The following DMAC2L variants were observed in gnomAD, a reference collection of about 807,000 sequenced individuals.
The protein encoded by DMAC2L is distal membrane arm assembly component 2 like, also known as ATP synthase subunit s, mitochondrial.
Under a neutral mutation model 22.5 loss-of-function variants are expected in DMAC2L, and 21 were observed. The ratio of observed to expected loss-of-function variants is 0.93; its 90% CI spans 0.66 to 1.34. DMAC2L has a LOEUF of 1.34. DMAC2L is among the 40% of genes most tolerant of loss of function. The probability of loss-of-function intolerance (pLI) is 0.00; values close to 1 mark genes in which losing one functional copy is unlikely to be tolerated. For missense variants in DMAC2L, 239 were observed against 246.5 expected (o/e 0.97, Z 0.20); for synonymous variants, 86 against 89.5 (o/e 0.96, Z 0.22).
At chr14:50,317,006 G>T (rs1446765004) in intron 2 of DMAC2L, among the ~76,000 whole-genome samples, 1 of 152,176 alleles carries the variant, frequency 6.6e-6, no homozygotes, top group Non-Finnish European at 1.5e-5. Context: ...GAAGCAATTT[G>T]TAGATTGCTT....
At position 50,322,052 on chromosome 14, in the gene DMAC2L, C is replaced by G. The variant is rs563572088; in HGVS notation, c.107+458C>G. Reference sequence around the variant, plus strand: ...ATTACTTAATACAGCATTATGATCACTAGCTAGAGAAAAAAGCATATGTAG... The same window carrying G: ...ATTACTTAATACAGCATTATGATCAGTAGCTAGAGAAAAAAGCATATGTAG... On this transcript the variant is annotated intron_variant, in intron 3 of 5. Transcript: ENST00000557421. Among the ~76,000 whole-genome samples, 13 of 152,244 alleles carry G rather than the reference C, an allele frequency of 8.5e-5. No homozygotes were observed. In the East Asian group the frequency reaches 2.3e-3, roughly 27 times the overall value.
At chr14:50,314,664 C>T (rs1410974009) in intron 2 of DMAC2L, 38 bp downstream of exon 2, 2 of 453,712 alleles carry the variant, frequency 4.4e-6, no homozygotes, top group African/African-American at 4.0e-5. Context: ...ATTTTTGAGA[C>T]AGGGTTATGC....
chr14:50,324,973 G>A lies in DMAC2L; in HGVS notation c.489-636G>A, dbSNP rs149402478. On this transcript the variant is annotated intron_variant, in intron 5 of 5. Transcript: ENST00000557421. ...GTATTTTCAGTAGAGATGGGGTTTC[G>A]CCATGTTGGCCAAGCTGGTCTCGAA... 4.7e-3 allele frequency among the ~76,000 whole-genome samples: 710 copies of A among 152,064 alleles called. 3 individuals are homozygous for A. The highest frequency in any genetic ancestry group is 0.015 in the African/African-American group (641 of 41,466).
At chr14:50,312,210 G>C (rs568178074), upstream of DMAC2L, 31 of 1,590,786 alleles carry the variant, frequency 1.9e-5, no homozygotes, top group Non-Finnish European at 2.5e-5. Flanking sequence ...CTCCACGGCC[G>C]AGGACCCGCG....
chr14:50,318,777 T>G (rs534336525), intron 2 of DMAC2L, among the ~76,000 whole-genome samples: 1 of 152,344 alleles, frequency 6.6e-6, no homozygotes, highest in South Asian at 2.1e-4. Context: ...TGTGAAGGCC[T>G]TCTTCTCACT....
intron 2 of DMAC2L, among the ~76,000 whole-genome samples, chr14:50,320,112 G>A (rs1006250223): frequency 3.3e-5 from 5 of 151,982 alleles, no homozygotes; most frequent in Non-Finnish European, 7.4e-5. Context: ...TTATTTTTGA[G>A]ATGGAGTCTC....
In DMAC2L at chr14:50,325,835, T is replaced by C; in HGVS notation, c.*112T>C. 6.9e-7 allele frequency: 1 copy of C among 1,444,840 alleles called. No homozygotes were observed. The highest frequency in any genetic ancestry group is 2.6e-5 in the Admixed American group (1 of 38,650). 89.5% of individuals were successfully genotyped at this position (1,444,840 alleles called of 1,614,324 possible). ...TATAAGGATGCCATATCATGACATT[T>C]TAGAAGTGGAGAGTGCATCATATGT... On this transcript the variant is annotated 3_prime_UTR_variant, in exon 6 of 6. Transcript: ENST00000557421.
Position 50,327,636 on chromosome 14 carries a change from T to G in DMAC2L, c.*1913T>G, listed in dbSNP as rs1183030894. On this transcript the variant is annotated 3_prime_UTR_variant, in exon 6 of 6. Coordinates refer to ENST00000557421, the MANE Select transcript of DMAC2L (RefSeq NM_001382507.1). ...CCCACCACCACGCCCAGCTAATTTT[T>G]GTACTTTTAGTAGAGACAGGGTTTC... The G allele has an allele frequency of 6.6e-6, 1 of 152,126 alleles. No homozygotes were observed. Among genetic ancestry groups the G allele is most frequent in the African/African-American group, 2.4e-5 (1 of 41,390 alleles). 9.4% of individuals were successfully genotyped at this position (152,126 alleles called of 1,614,324 possible). A position where few individuals can be genotyped will look rare whatever the true frequency, so the allele number is the denominator to read the frequency against.
intron 2 of DMAC2L, 154 bp from the exon 3 acceptor site, chr14:50,321,329 C>T: frequency 7.4e-7 from 1 of 1,342,354 alleles, no homozygotes; most frequent in South Asian, 1.9e-5. Flanking sequence ...TAAAAAACCC[C>T]AAGAACAAGA....
intron 5 of DMAC2L, 101 bp from the exon 6 acceptor site, chr14:50,325,508 T>C (rs886231647): frequency 1.5e-6 from 2 of 1,372,022 alleles, no homozygotes; most frequent in African/African-American, 1.5e-5. Context: ...TAGGGTGATA[T>C]AGATTCATTT....
rs1000985660 is a variant in DMAC2L, at chr14:50,323,843, A to G, written c.317-102A>G. 5 of 932,130 alleles carry G rather than the reference A, an allele frequency of 5.4e-6. No homozygotes were observed. In the African/African-American group the frequency reaches 8.3e-5, roughly 16 times the overall value. The allele number at this position is 932,130 out of a possible 1,614,324, so 57.7% of individuals were successfully genotyped here. A position where few individuals can be genotyped will look rare whatever the true frequency, so the allele number is the denominator to read the frequency against. On this transcript the variant is annotated intron_variant, in intron 4 of 5. Transcript: ENST00000557421. ...ATGGAACTAAGAGGTTTCCCAGGACATAGGACTTTCAGTCCTAAAACCAAG... is the reference window on the plus strand; with the variant it reads ...ATGGAACTAAGAGGTTTCCCAGGACGTAGGACTTTCAGTCCTAAAACCAAG...
intron 2 of DMAC2L, among the ~76,000 whole-genome samples, chr14:50,318,703 C>T (rs972914389): frequency 2.6e-5 from 4 of 151,908 alleles, no homozygotes; most frequent in African/African-American, 9.7e-5. Flanking sequence ...TCATATTCTG[C>T]TTCTGCTTCT....
chr14:50,311,584 G>A (rs1451533979), upstream of DMAC2L, among the ~76,000 whole-genome samples: 1 of 152,176 alleles, frequency 6.6e-6, no homozygotes, highest in Non-Finnish European at 1.5e-5. Context: ...ATTTAAGACT[G>A]TATTCAGATC....
chr14:50,320,021 C>T (rs1166743545), intron 2 of DMAC2L, among the ~76,000 whole-genome samples: 2 of 152,216 alleles, frequency 1.3e-5, no homozygotes, highest in African/African-American at 4.8e-5. Flanking sequence ...TCTGTTGACC[C>T]TTAATCTTGA....
In DMAC2L at chr14:50,312,453, C is replaced by T. The variant is rs141258517; in HGVS notation, c.-42+64C>T. On this transcript the variant is annotated intron_variant, in intron 1 of 5. Transcript: ENST00000557421. ...GGGTGGTGGTTGTGTTCTGCCCTCG[C>T]CCGTCGCCAACGCTGGGCTGACTGA... is the stretch of plus-strand genomic sequence containing the variant. The T allele has an allele frequency of 1.0e-5, 5 of 493,510 alleles. No individual in the cohort carries two copies. The East Asian group carries it at 1.9e-4, about 19-fold the overall frequency. 30.6% of individuals were successfully genotyped at this position (493,510 alleles called of 1,614,324 possible). A position where few individuals can be genotyped will look rare whatever the true frequency, so the allele number is the denominator to read the frequency against.
chr14:50,313,431 C>A (rs1036146198), intron 1 of DMAC2L, among the ~76,000 whole-genome samples: 4 of 152,152 alleles, frequency 2.6e-5, no homozygotes, highest in African/African-American at 9.7e-5. Context: ...AGGTGTTTAG[C>A]ACAGTGAAGC....
At chr14:50,315,833 A>G (rs1299426780) in intron 2 of DMAC2L, among the ~76,000 whole-genome samples, 1 of 152,044 alleles carries the variant, frequency 6.6e-6, no homozygotes, top group Non-Finnish European at 1.5e-5. Flanking sequence ...TTGGTTCCAC[A>G]TTTTTTGCAA....
At chr14:50,318,866 T>G in intron 2 of DMAC2L, 1 of 214,962 alleles carries the variant, frequency 4.7e-6, no homozygotes, top group Non-Finnish European at 8.0e-6. Flanking sequence ...TCTTTATATG[T>G]TATCTCTCTT....
Position 50,325,882 on chromosome 14 carries a change from G to T in DMAC2L, c.*159G>T. On this transcript the variant is annotated 3_prime_UTR_variant, in exon 6 of 6. Transcript: ENST00000557421. ...ATGTAGAAAATAAATATTCAGACGT[G>T]GCTCATTAATGTTACTAAGTTGGAA... 1 of 1,288,002 alleles carries T rather than the reference G, an allele frequency of 7.8e-7. No homozygotes were observed. Among genetic ancestry groups the T allele is most frequent in the Admixed American group, 3.6e-5 (1 of 27,676 alleles). The allele number at this position is 1,288,002 out of a possible 1,614,324, so 79.8% of individuals were successfully genotyped here.
Sources: gnomAD v4.1 joint callset for allele counts (sites outside exome capture counted in the v4.1 genomes callset) on GRCh38, gnomAD v4.1.1 for gene constraint, MANE v1.5 for transcripts, NCBI Gene and HGNC (gene_info 2026-07-23, HGNC 2026-07-21) for gene names.